DOCK9: variants seen among roughly 807,000 people sequenced by gnomAD.
The protein encoded by DOCK9 is dedicator of cytokinesis protein 9.
A neutral mutation model predicts 263.3 loss-of-function variants in DOCK9; 89 were observed. The ratio of observed to expected loss-of-function variants is 0.34; its 90% CI spans 0.28 to 0.40. The LOEUF (loss-of-function observed/expected upper bound fraction) is 0.40, where lower values mean the gene tolerates loss of function less well. Ranked by LOEUF, DOCK9 falls within the 10% of genes least tolerant of loss-of-function variation. The pLI is 1.00. For synonymous variants in DOCK9, 976 were observed against 973.1 expected (o/e 1.00, Z -0.06); for missense variants, 2,140 against 2,603.4 (o/e 0.82, Z 3.87).
At chr13:98,995,718 C>A (rs12873575) in intron 1 of DOCK9, among the ~76,000 whole-genome samples, 56,620 of 151,668 alleles carry the variant, frequency 0.37, 10,935 homozygotes, top group South Asian at 0.53. Flanking sequence ...TCGATCTCCT[C>A]ACCTTGTGAT....
intron 1 of DOCK9, among the ~76,000 whole-genome samples, chr13:99,033,231 C>CA (rs1887532262): frequency 6.6e-6 from 1 of 152,044 alleles, no homozygotes; most frequent in Admixed American, 6.5e-5. Context: ...GTAGAGAAGG[C>CA]AAAAAACAAA....
At chr13:98,879,862 C>T (rs778572121) in intron 27 of DOCK9, 36 bp downstream of exon 27, 1 of 1,545,542 alleles carries the variant, frequency 6.5e-7, no homozygotes, top group Non-Finnish European at 8.8e-7. Flanking sequence ...ATTTCTTTTC[C>T]CCTAAGAACA....
intron 2 of DOCK9, among the ~76,000 whole-genome samples, chr13:98,939,099 T>A (rs988390704): frequency 6.6e-6 from 1 of 152,214 alleles, no homozygotes; most frequent in Non-Finnish European, 1.5e-5. Context: ...CCCAGGTAGT[T>A]CTCGAGAGCC....
chr13:99,086,251 G>C, exon 1 of DOCK9: 1 of 1,503,112 alleles, frequency 6.7e-7, no homozygotes, highest in South Asian at 1.2e-5. Context: ...CACCACCTCA[G>C]ACACGCTCTG....
intron 1 of DOCK9, among the ~76,000 whole-genome samples, chr13:98,997,963 G>T (rs1376375903): frequency 6.6e-6 from 1 of 152,178 alleles, no homozygotes; most frequent in East Asian, 1.9e-4. Flanking sequence ...AAAGCCCTGA[G>T]GATTTTCTCA....
intron 1 of DOCK9, among the ~76,000 whole-genome samples, chr13:99,028,383 A>C (rs1886994976): frequency 6.6e-6 from 1 of 152,188 alleles, no homozygotes; most frequent in Admixed American, 6.5e-5. Context: ...AAACCACAGC[A>C]ATCCAAAAAA....
At chr13:99,036,167 G>A (rs1462024623) in intron 1 of DOCK9, among the ~76,000 whole-genome samples, 1 of 152,130 alleles carries the variant, frequency 6.6e-6, no homozygotes, top group Non-Finnish European at 1.5e-5. Flanking sequence ...ACATCTTATT[G>A]ATTCTGTTTC....
At position 98,797,102 on chromosome 13, in the gene DOCK9, G is replaced by T; in HGVS notation, c.6156+13C>A. The T allele has an allele frequency of 6.2e-7, 1 of 1,613,960 alleles. No individual in the cohort carries two copies. ...CAAGAACTCCAAGTTGTTGGAGCCA[G>T]TGCGGCCCTCACCTGCTCATGCATG... On this transcript the variant is annotated intron_variant, in intron 52 of 52. Transcript: ENST00000682017.
At chr13:98,972,110 C>T (rs1316837010) in intron 1 of DOCK9, among the ~76,000 whole-genome samples, 1 of 152,198 alleles carries the variant, frequency 6.6e-6, no homozygotes, top group Non-Finnish European at 1.5e-5. Flanking sequence ...GGCTCTGCCA[C>T]TTATTGAATG....
intron 1 of DOCK9, among the ~76,000 whole-genome samples, chr13:99,008,987 G>T (rs1178125092): frequency 6.6e-6 from 1 of 152,206 alleles, no homozygotes; most frequent in African/African-American, 2.4e-5. Context: ...ATGAATAGTG[G>T]TATTTGTGAA....
chr13:98,981,434 G>A (rs1298538790), upstream of DOCK9, among the ~76,000 whole-genome samples: 1 of 152,094 alleles, frequency 6.6e-6, no homozygotes, highest in Non-Finnish European at 1.5e-5. Context: ...AATATACAAG[G>A]CTGGCAATGT....
In DOCK9 at chr13:98,863,129, G is replaced by A. The variant is rs1455222702; in HGVS notation, c.3469C>T (p.His1157Tyr). 3.1e-6 allele frequency: 5 copies of A among 1,602,650 alleles called. No homozygotes were observed. Among genetic ancestry groups the A allele is most frequent in the Middle Eastern group, 1.7e-4 (1 of 5,870 alleles). The change falls in exon 32 of 53, where the codon CAT (histidine) becomes TAT (tyrosine). Residue 1157 changes from histidine to tyrosine, a missense_variant. His to Tyr is a moderately conservative substitution (Grantham distance 83, BLOSUM62 2). Transcript: ENST00000682017. ...TAGAGGGTGGCTATCCTTGCCTGAT[G>A]GCTCTGAAAAGAAGACACACATGGT... ...SFDDRYASRS[H>Y]QARIATLYLP...
intron 2 of DOCK9, among the ~76,000 whole-genome samples, chr13:98,944,514 A>G (rs2056449190): frequency 6.6e-6 from 1 of 152,148 alleles, no homozygotes; most frequent in African/African-American, 2.4e-5. Flanking sequence ...AGCAGGAGGC[A>G]TCATGGTTCC....
intron 34 of DOCK9, among the ~76,000 whole-genome samples, chr13:98,854,920 G>A (rs1332406973): frequency 6.6e-6 from 1 of 152,138 alleles, no homozygotes; most frequent in East Asian, 1.9e-4. Context: ...GGGTGTTTTT[G>A]GAGAACTAGG....
chr13:98,996,708 ACTAGTG>A (rs1205089375), intron 1 of DOCK9, among the ~76,000 whole-genome samples: 1 of 152,214 alleles, frequency 6.6e-6, no homozygotes, highest in Non-Finnish European at 1.5e-5. Flanking sequence ...ATCAGCTATC[ACTAGTG>A]TTAGTGTATT....
intron 37 of DOCK9, chr13:98,846,399 T>C: frequency 3.8e-6 from 3 of 784,346 alleles, no homozygotes; most frequent in Non-Finnish European, 5.8e-6. Flanking sequence ...CTTTTTGGAT[T>C]ATATATGTTC....
At chr13:98,814,935 CAAAATAAAAT>C (rs66599481) in intron 45 of DOCK9, among the ~76,000 whole-genome samples, 37,332 of 129,788 alleles carry the variant, frequency 0.29, 6,244 homozygotes, top group Non-Finnish European at 0.34. Flanking sequence ...GATTCTGTCT[CAAAATAAAAT>C]AAAATAAAAT....
At chr13:98,915,587 A>T (rs146666834) in intron 7 of DOCK9, 84 bp from the exon 8 acceptor site, 1 of 1,342,048 alleles carries the variant, frequency 7.5e-7, no homozygotes, top group Non-Finnish European at 1.0e-6. Flanking sequence ...TTGGTGAGTG[A>T]TATCTCATTG....
intron 52 of DOCK9, 141 bp downstream of exon 52, chr13:98,796,974 G>T: frequency 1.2e-6 from 1 of 852,864 alleles, no homozygotes; most frequent in Non-Finnish European, 1.8e-6. Flanking sequence ...TGGGGCTAGA[G>T]CATGGCAGGA....
Sources: gnomAD v4.1 joint callset for allele counts (sites outside exome capture counted in the v4.1 genomes callset) on GRCh38, gnomAD v4.1.1 for gene constraint, MANE v1.5 for transcripts, NCBI Gene and HGNC (gene_info 2026-07-23, HGNC 2026-07-21) for gene names.